Variants in KIAA1217 observed in about 807,000 individuals in gnomAD.
KIAA1217 encodes the protein KIAA1217, also known as sickle tail protein homolog.
A neutral mutation model predicts 163.9 loss-of-function variants in KIAA1217; 88 were observed. The ratio of observed to expected loss-of-function variants is 0.54; its 90% CI spans 0.45 to 0.64. KIAA1217 has a LOEUF of 0.64. KIAA1217 is among the 30% of genes least tolerant of loss of function. The pLI is 0.00. For missense variants in KIAA1217, 2,372 were observed against 2,475.0 expected (o/e 0.96, Z 0.88); for synonymous variants, 903 against 923.1 (o/e 0.98, Z 0.39).
intron 1 of KIAA1217, among the ~76,000 whole-genome samples, chr10:23,834,721 AC>A (rs1172387996): frequency 6.6e-6 from 1 of 152,044 alleles, no homozygotes; most frequent in African/African-American, 2.4e-5. Context: ...TGAAGATAAA[AC>A]TAAATGGATT....
At chr10:23,759,712 C>A (rs1834149532) in intron 1 of KIAA1217, among the ~76,000 whole-genome samples, 1 of 152,174 alleles carries the variant, frequency 6.6e-6, no homozygotes, top group Non-Finnish European at 1.5e-5. Flanking sequence ...GAGATAAGAA[C>A]GATGTCTGAC....
At chr10:24,399,040 C>G (rs944541159) in intron 3 of KIAA1217, among the ~76,000 whole-genome samples, 2 of 152,198 alleles carry the variant, frequency 1.3e-5, no homozygotes, top group South Asian at 2.1e-4. Flanking sequence ...TCTCCTGCCC[C>G]GCTCATGCCT....
At chr10:24,466,147 G>A (rs2062924280) in intron 5 of KIAA1217, among the ~76,000 whole-genome samples, 1 of 152,148 alleles carries the variant, frequency 6.6e-6, no homozygotes, top group African/African-American at 2.4e-5. Flanking sequence ...TCAAAAGTCT[G>A]GCAGCAAAGT....
intron 1 of KIAA1217, among the ~76,000 whole-genome samples, chr10:23,720,790 A>G (rs778358326): frequency 3.3e-5 from 5 of 152,148 alleles, no homozygotes; most frequent in Non-Finnish European, 5.9e-5. Context: ...AAAATTCTAA[A>G]TTTTATCGAT....
intron 1 of KIAA1217, among the ~76,000 whole-genome samples, chr10:23,780,922 C>G (rs1273662708): frequency 6.6e-6 from 1 of 152,078 alleles, no homozygotes; most frequent in African/African-American, 2.4e-5. Flanking sequence ...CTCAGGTGAG[C>G]CACCAACCTC....
intron 9 of KIAA1217, among the ~76,000 whole-genome samples, chr10:24,501,823 A>C (rs1318549561): frequency 7.8e-6 from 1 of 127,530 alleles, no homozygotes; most frequent in Non-Finnish European, 1.6e-5. Flanking sequence ...ATCTCGGCTC[A>C]CTGCAAGCTC....
chr10:24,036,960 G>C (rs966430330), intron 2 of KIAA1217, among the ~76,000 whole-genome samples: 23 of 152,194 alleles, frequency 1.5e-4, no homozygotes, highest in Non-Finnish European at 2.6e-4. Flanking sequence ...GCCAAAGGAT[G>C]ATCAGGCCAG....
At chr10:24,084,821 G>A (rs553001652) in intron 2 of KIAA1217, among the ~76,000 whole-genome samples, 3 of 151,920 alleles carry the variant, frequency 2.0e-5, no homozygotes, top group East Asian at 1.9e-4. Context: ...ATTCACTGCC[G>A]ACAAGCCTCT....
chr10:23,872,457 C>CAGAGCA (rs1420552399), intron 1 of KIAA1217, among the ~76,000 whole-genome samples: 3 of 152,060 alleles, frequency 2.0e-5, no homozygotes, highest in Non-Finnish European at 4.4e-5. Flanking sequence ...ATCTTGAGGA[C>CAGAGCA]CCCCTGCCTC....
intron 2 of KIAA1217, among the ~76,000 whole-genome samples, chr10:24,348,500 T>A (rs1042115449): frequency 6.6e-6 from 1 of 152,168 alleles, no homozygotes; most frequent in Non-Finnish European, 1.5e-5. Context: ...TAAATCCTAA[T>A]ATGTAATCCA....
intron 2 of KIAA1217, among the ~76,000 whole-genome samples, chr10:24,118,277 C>T (rs1476405088): frequency 6.6e-6 from 1 of 152,062 alleles, no homozygotes; most frequent in Non-Finnish European, 1.5e-5. Flanking sequence ...ACAAACAGGG[C>T]CCTATAATGT....
chr10:24,013,157 C>G (rs1847314911), intron 2 of KIAA1217, among the ~76,000 whole-genome samples: 4 of 152,000 alleles, frequency 2.6e-5, no homozygotes, highest in Admixed American at 2.0e-4. Flanking sequence ...GGTGATTTCA[C>G]TGTTTAAAAA....
intron 1 of KIAA1217, among the ~76,000 whole-genome samples, chr10:23,714,836 G>C (rs1419338756): frequency 1.3e-5 from 2 of 152,210 alleles, no homozygotes; most frequent in Non-Finnish European, 2.9e-5. Context: ...GCATGGTCTT[G>C]GGCAGTCATA....
At chr10:24,475,979 G>C (rs993422610) in intron 6 of KIAA1217, among the ~76,000 whole-genome samples, 2 of 152,144 alleles carry the variant, frequency 1.3e-5, no homozygotes, top group Non-Finnish European at 2.9e-5. Flanking sequence ...ATAATGTTGA[G>C]AGCCAGAATC....
At chr10:24,039,644 C>G (rs1410606310) in intron 2 of KIAA1217, among the ~76,000 whole-genome samples, 1 of 152,006 alleles carries the variant, frequency 6.6e-6, no homozygotes, top group Non-Finnish European at 1.5e-5. Context: ...TTTGACTTAC[C>G]CTATTTTCAA....
chr10:24,285,872 C>A (rs1462883051), intron 2 of KIAA1217, among the ~76,000 whole-genome samples: 1 of 152,114 alleles, frequency 6.6e-6, no homozygotes, highest in Non-Finnish European at 1.5e-5. Context: ...TCCATGATTT[C>A]TTTCAGCAGT....
upstream of KIAA1217, among the ~76,000 whole-genome samples, chr10:24,205,203 C>A (rs186392693): frequency 6.7e-6 from 1 of 148,392 alleles, no homozygotes; most frequent in Non-Finnish European, 1.5e-5. Flanking sequence ...GTAATCCCAG[C>A]GTGATTACTT....
At chr10:23,989,383 T>C (rs1846119289) in intron 1 of KIAA1217, among the ~76,000 whole-genome samples, 1 of 152,190 alleles carries the variant, frequency 6.6e-6, no homozygotes. Context: ...TTTTTTATGT[T>C]AGCTTTGATA....
chr10:24,309,573 G>A (rs373540080), intron 2 of KIAA1217, among the ~76,000 whole-genome samples: 2 of 152,216 alleles, frequency 1.3e-5, no homozygotes, highest in Admixed American at 6.5e-5. Flanking sequence ...AGAACCCACC[G>A]AACACAGTTT....
Sources: allele counts gnomAD v4.1 joint callset (sites outside exome capture counted in the v4.1 genomes callset), GRCh38; gene constraint gnomAD v4.1.1; transcripts MANE v1.5; gene names NCBI Gene and HGNC (gene_info 2026-07-23, HGNC 2026-07-21).